The following PCDHA12 variants were observed in gnomAD, a reference collection of about 807,000 sequenced individuals.
The protein encoded by PCDHA12 is protocadherin alpha-12.
In PCDHA12, 44 loss-of-function variants were observed where a neutral mutation model predicts 60.0. The ratio of observed to expected loss-of-function variants is 0.73; its 90% CI spans 0.58 to 0.94. The LOEUF (loss-of-function observed/expected upper bound fraction) is 0.94. PCDHA12 is among the 40% of genes least tolerant of loss of function. PCDHA12 has a pLI of 0.00. For missense variants in PCDHA12, 1,276 were observed against 1,239.7 expected (o/e 1.03, Z -0.44); for synonymous variants, 569 against 553.0 (o/e 1.03, Z -0.40).
chr5:140,937,544 G>A (rs1584916814), intron 1 of PCDHA12, among the ~76,000 whole-genome samples: 1 of 151,510 alleles, frequency 6.6e-6, no homozygotes, highest in South Asian at 2.1e-4. Flanking sequence ...TTGAACCTGC[G>A]AGGCAGAGGT....
At chr5:141,005,311 A>C (rs2098206135) in intron 3 of PCDHA12, among the ~76,000 whole-genome samples, 6 of 152,310 alleles carry the variant, frequency 3.9e-5, no homozygotes, top group Middle Eastern at 6.8e-3. Flanking sequence ...TGAATCTTAC[A>C]GTGGTAGAGA....
chr5:140,954,290 G>T (rs2095014659), intron 1 of PCDHA12, among the ~76,000 whole-genome samples: 1 of 152,126 alleles, frequency 6.6e-6, no homozygotes, highest in Non-Finnish European at 1.5e-5. Flanking sequence ...ATTCCTTTGG[G>T]TACATACCCA....
At chr5:140,882,529 T>G (rs1277056302) in intron 1 of PCDHA12, 1 of 1,614,074 alleles carries the variant, frequency 6.2e-7, no homozygotes, top group Non-Finnish European at 8.5e-7. Context: ...TGTTTGTGAA[T>G]TCTCGGATCG....
At chr5:140,924,903 AAATAAAAT>A (rs1318660055) in intron 1 of PCDHA12, among the ~76,000 whole-genome samples, 2 of 54,856 alleles carry the variant, frequency 3.6e-5, no homozygotes, top group African/African-American at 8.4e-5. Context: ...TCAAAAAAAA[AAATAAAAT>A]AAAATAAAAT....
At chr5:140,948,903 CTTAGGTAACTGA>C (rs1213410342) in intron 1 of PCDHA12, among the ~76,000 whole-genome samples, 1 of 151,196 alleles carries the variant, frequency 6.6e-6, no homozygotes, top group Non-Finnish European at 1.5e-5. Context: ...TAAGTGGATT[CTTAGGTAACTGA>C]TTAGGTAACT....
chr5:140,982,604 A>G, intron 3 of PCDHA12, 41 bp downstream of exon 3: 1 of 1,607,164 alleles, frequency 6.2e-7, no homozygotes, highest in Non-Finnish European at 8.5e-7. Context: ...TGGTTTCTGG[A>G]AAGTGATCAG....
chr5:140,930,702 A>T (rs1359159980), intron 1 of PCDHA12, among the ~76,000 whole-genome samples: 1 of 152,234 alleles, frequency 6.6e-6, no homozygotes, highest in African/African-American at 2.4e-5. Context: ...CTTGTAAGTT[A>T]TTCTTCCTCA....
intron 1 of PCDHA12, among the ~76,000 whole-genome samples, chr5:140,936,899 A>G (rs2091202352): frequency 6.6e-6 from 1 of 152,188 alleles, no homozygotes; most frequent in South Asian, 2.1e-4. Context: ...AATTGGCACT[A>G]TATTGAATCT....
At chr5:140,882,993 T>G (rs1554176415) in intron 1 of PCDHA12, 2 of 1,614,080 alleles carry the variant, frequency 1.2e-6, no homozygotes, top group Non-Finnish European at 1.7e-6. Flanking sequence ...GCCCCGGAAT[T>G]TTACCAATCC....
At chr5:140,877,869 T>G (rs782747532) in intron 1 of PCDHA12, 30 bp downstream of exon 1, 1 of 1,488,856 alleles carries the variant, frequency 6.7e-7, no homozygotes, top group African/African-American at 1.4e-5. Context: ...TAGATATATT[T>G]GTTTCCTTGA....
intron 1 of PCDHA12, among the ~76,000 whole-genome samples, chr5:140,963,886 T>C (rs1211703076): frequency 6.6e-6 from 1 of 152,236 alleles, no homozygotes; most frequent in African/African-American, 2.4e-5. Flanking sequence ...TTGTTTTCCT[T>C]AATTAAAATG....
At chr5:140,984,228 G>A (rs374551349) in intron 3 of PCDHA12, among the ~76,000 whole-genome samples, 180 of 152,262 alleles carry the variant, frequency 1.2e-3, no homozygotes, top group African/African-American at 4.0e-3. Context: ...TTGCTCTTAT[G>A]GAGGCATTGT....
intron 1 of PCDHA12, among the ~76,000 whole-genome samples, chr5:140,889,996 A>G (rs1162958741): frequency 5.3e-5 from 8 of 152,152 alleles, no homozygotes; most frequent in African/African-American, 1.9e-4. Flanking sequence ...TAGCTTTCCA[A>G]GCTTAGGTGC....
chr5:140,892,408 G>C (rs1323060042), intron 1 of PCDHA12, among the ~76,000 whole-genome samples: 1 of 152,054 alleles, frequency 6.6e-6, no homozygotes, highest in Non-Finnish European at 1.5e-5. Context: ...TCAAGCTTCA[G>C]GTATTCTAGA....
At position 140,876,565 on chromosome 5, in the gene PCDHA12, G is replaced by T. The variant is rs371696514; in HGVS notation, c.1093G>T (p.Val365Leu). ...LSLPVQEDAQ[V>L]GTVIALISVS... ...GCTCCCTGTGCAAGAGGATGCTCAG[G>T]TGGGTACCGTCATTGCCCTGATTAG... Residue 365 changes from valine (V) to leucine (L), a missense_variant, in exon 1 of 4, where the codon GTG becomes TTG. Val to Leu is a conservative substitution (Grantham distance 32, BLOSUM62 1). Coordinates refer to ENST00000398631, the MANE Select transcript of PCDHA12 (RefSeq NM_018903.4). 6.2e-7 allele frequency: 1 copy of T among 1,614,182 alleles called. No individual in the cohort carries two copies. Among genetic ancestry groups the T allele is most frequent in the Non-Finnish European group, 8.5e-7 (1 of 1,180,040 alleles).
intron 1 of PCDHA12, among the ~76,000 whole-genome samples, chr5:140,888,046 A>G (rs2061675850): frequency 6.6e-6 from 1 of 152,214 alleles, no homozygotes; most frequent in South Asian, 2.1e-4. Flanking sequence ...CATGTATAAT[A>G]GATGTTTTAA....
intron 1 of PCDHA12, among the ~76,000 whole-genome samples, chr5:140,944,291 G>T (rs155813): frequency 6.6e-6 from 1 of 151,928 alleles, no homozygotes; most frequent in African/African-American, 2.4e-5. Flanking sequence ...GGGCTCAAGC[G>T]ATCCTCCTAC....
At chr5:140,968,401 C>T (rs1554230667) in intron 1 of PCDHA12, 1 of 1,613,984 alleles carries the variant, frequency 6.2e-7, no homozygotes, top group South Asian at 1.1e-5. Context: ...TTCGGGAGTT[C>T]TTTGTGACTG....
At chr5:140,882,087 C>A in intron 1 of PCDHA12, 2 of 1,081,718 alleles carry the variant, frequency 1.8e-6, no homozygotes, top group Non-Finnish European at 2.6e-6. Flanking sequence ...TCGCTCTTCA[C>A]TGAGAACGTT....
Sources: allele counts gnomAD v4.1 joint callset (sites outside exome capture counted in the v4.1 genomes callset), GRCh38; gene constraint gnomAD v4.1.1; transcripts MANE v1.5; gene names NCBI Gene and HGNC (gene_info 2026-07-23, HGNC 2026-07-21).